The following TNRC18 variants were observed in gnomAD, a reference collection of about 807,000 sequenced individuals.
TNRC18 encodes trinucleotide repeat-containing gene 18 protein.
A neutral mutation model predicts 226.7 loss-of-function variants in TNRC18; 69 were observed. The ratio of observed to expected loss-of-function variants is 0.30; its 90% CI spans 0.25 to 0.37. The LOEUF (loss-of-function observed/expected upper bound fraction) is 0.37, where lower values mean the gene tolerates loss of function less well. TNRC18 is among the 10% of genes least tolerant of loss of function. The pLI, the probability that TNRC18 is intolerant of heterozygous loss-of-function variation, is 1.00. For missense variants in TNRC18, 4,754 were observed against 4,256.6 expected (o/e 1.12, Z -3.25); for synonymous variants, 2,449 against 1,927.6 (o/e 1.27, Z -7.09).
intron 16 of TNRC18, among the ~76,000 whole-genome samples, chr7:5,354,703 A>C (rs532670011): frequency 6.6e-6 from 1 of 152,224 alleles, no homozygotes; most frequent in East Asian, 1.9e-4. Flanking sequence ...CACAGGGAGC[A>C]TGAGTCCTGG....
chr7:5,417,108 T>C (rs540225727), intron 2 of TNRC18, among the ~76,000 whole-genome samples: 5 of 148,622 alleles, frequency 3.4e-5, no homozygotes, highest in Admixed American at 2.0e-4. Flanking sequence ...TGAGCTATAA[T>C]TGCACCACTG....
At chr7:5,371,448 A>G (rs1406521149) in intron 10 of TNRC18, 84 bp from the exon 11 acceptor site, 11 of 1,419,402 alleles carry the variant, frequency 7.7e-6, no homozygotes, top group Non-Finnish European at 1.0e-5. Context: ...CACCCCAGAC[A>G]GAGACCCAGG....
Position 5,363,521 on chromosome 7 carries a change from G to A in TNRC18, c.4220-696C>T, listed in dbSNP as rs563325097. ...CGGGAGGCTGAAGCAGGAGAATGGC[G>A]AGAACCTGGGAGGCGGAGCTTGCAG... On this transcript the variant is annotated intron_variant, in intron 11 of 29. Transcript: ENST00000430969. 9.0e-4 allele frequency among the ~76,000 whole-genome samples: 137 copies of A among 152,184 alleles called. 1 individual carries two copies. In the Middle Eastern group the frequency reaches 0.01, roughly 11 times the overall value.
chr7:5,350,933 C>T (rs985835537), intron 17 of TNRC18, among the ~76,000 whole-genome samples: 4 of 152,162 alleles, frequency 2.6e-5, no homozygotes, highest in Admixed American at 6.5e-5. Flanking sequence ...GCACTGCCTA[C>T]GCACCCTTCA....
Position 5,388,626 on chromosome 7 carries a change from G to T in TNRC18, c.1198C>A (p.Arg400Ser). The T allele has an allele frequency of 1.6e-6, 2 of 1,280,032 alleles. No individual in the cohort carries two copies. 79.3% of individuals were successfully genotyped at this position (1,280,032 alleles called of 1,614,324 possible). ...IASQARDARAREREAGRPGVL... is the reference protein window; with the variant it reads ...IASQARDARASEREAGRPGVL... ...CCTGGCCTGCCAGCCTCGCGCTCGC[G>T]GGCCCGGGCATCGCGCGCCTGGGAT... Residue 400 changes from arginine (R) to serine (S), a missense_variant, in exon 5 of 30, where the codon CGC (arginine) becomes AGC (serine). Physicochemically the swap from Arg to Ser is moderately radical, Grantham distance 110 (BLOSUM62 -1). Transcript: ENST00000430969.
chr7:5,381,166 G>A (rs1779373744), intron 5 of TNRC18, among the ~76,000 whole-genome samples: 1 of 152,088 alleles, frequency 6.6e-6, no homozygotes, highest in South Asian at 2.1e-4. Flanking sequence ...ACAGCCCCAG[G>A]TTGCTCCCTG....
Position 5,309,076 on chromosome 7 carries a change from T to C in TNRC18, c.8625+56A>G. 10 of 1,526,002 alleles carry C rather than the reference T, an allele frequency of 6.6e-6. No individual in the cohort carries two copies. Among genetic ancestry groups the C allele is most frequent in the Non-Finnish European group, 8.0e-6 (9 of 1,123,788 alleles). The allele number at this position is 1,526,002 out of a possible 1,614,324, so 94.5% of individuals were successfully genotyped here. ...CTCCAGCACCCAGAACGCCTCGCCCTCAGGTCTGCCCTACACCGCCTAGGA... is the reference window on the plus strand; with the variant it reads ...CTCCAGCACCCAGAACGCCTCGCCCCCAGGTCTGCCCTACACCGCCTAGGA... On this transcript the variant is annotated intron_variant, in intron 28 of 29. Transcript: ENST00000430969. This position sits in a 1 kb window ranked among gnomAD's most constrained non-coding sequence, Gnocchi z 5.7.
chr7:5,337,843 C>T (rs1430040035), intron 18 of TNRC18, among the ~76,000 whole-genome samples: 1 of 151,838 alleles, frequency 6.6e-6, no homozygotes, highest in Non-Finnish European at 1.5e-5. Flanking sequence ...ATTAGCCAGG[C>T]GAGGTGGGAG....
intron 15 of TNRC18, among the ~76,000 whole-genome samples, chr7:5,358,438 G>T (rs964365987): frequency 3.2e-4 from 49 of 152,276 alleles, no homozygotes; most frequent in African/African-American, 1.2e-3. Context: ...AAGTAAAAAC[G>T]ATCTGGTGTT....
intron 24 of TNRC18, among the ~76,000 whole-genome samples, chr7:5,318,944 C>T (rs1021325712): frequency 2.6e-5 from 4 of 152,106 alleles, no homozygotes; most frequent in African/African-American, 4.8e-5. Flanking sequence ...CTGAAAGATC[C>T]ACTGCTTAAA....
intron 11 of TNRC18, among the ~76,000 whole-genome samples, chr7:5,363,599 A>G (rs1389340054): frequency 6.6e-6 from 1 of 152,018 alleles, no homozygotes; most frequent in Non-Finnish European, 1.5e-5. Context: ...GGGAGACTCC[A>G]TCTCAATCAA....
Position 5,308,131 on chromosome 7 carries a change from G to A in TNRC18, c.8882C>T (p.Thr2961Met), listed in dbSNP as rs534786242. Residue 2961 changes from threonine to methionine, a missense_variant, in exon 30 of 30, where the codon ACG (threonine) becomes ATG (methionine). Thr to Met is a moderately conservative substitution (Grantham distance 81). Coordinates refer to ENST00000430969, the MANE Select transcript of TNRC18 (RefSeq NM_001080495.3). ...YEPTTGMIFS[T>M]DGVPVLC is the part of the protein sequence containing the mutation. ...TCAGCAGAGCACGGGCACGCCGTCC[G>A]TGGAGAAGATCATGCCCGTGGTGGG... The A allele has an allele frequency of 3.7e-5, 57 of 1,558,308 alleles. No individual in the cohort carries two copies. The South Asian group carries it at 4.5e-4, about 12-fold the overall frequency.
Position 5,325,265 on chromosome 7 carries a change from C to G in TNRC18, c.6148-17G>C. 6.5e-7 allele frequency: 1 copy of G among 1,546,464 alleles called. No homozygotes were observed. The highest frequency in any genetic ancestry group is 8.7e-7 in the Non-Finnish European group (1 of 1,152,464). On this transcript the variant is annotated splice_polypyrimidine_tract_variant and intron_variant, in intron 19 of 29. Coordinates refer to ENST00000430969, the MANE Select transcript of TNRC18 (RefSeq NM_001080495.3). ...TTTCTTCTTCTGGAGGAGGAAGCAG[C>G]AGAGAGGAGCCATCAAACGGCAGGG...
chr7:5,357,418 A>AT (rs893929047), intron 15 of TNRC18, 142 bp from the exon 16 acceptor site: 13,983 of 811,502 alleles, frequency 0.017, 1 homozygote, highest in South Asian at 0.024. Context: ...ATATATATTT[A>AT]TTTTTTTTTT....
At chr7:5,350,097 C>T (rs987900834) in intron 17 of TNRC18, among the ~76,000 whole-genome samples, 7 of 145,620 alleles carry the variant, frequency 4.8e-5, no homozygotes, top group Non-Finnish European at 7.5e-5. Context: ...TTTAAGGGGG[C>T]GTGGGGTCCA....
intron 4 of TNRC18, 98 bp downstream of exon 4, chr7:5,390,387 T>C (rs1029876742): frequency 9.0e-6 from 8 of 888,746 alleles, no homozygotes; most frequent in African/African-American, 1.8e-5. Context: ...AAAGCCAGCA[T>C]CCTGGACAGA....
intron 17 of TNRC18, among the ~76,000 whole-genome samples, chr7:5,349,563 T>C (rs1206425760): frequency 1.3e-5 from 2 of 151,494 alleles, no homozygotes; most frequent in African/African-American, 2.4e-5. Flanking sequence ...AGGAGGGAGG[T>C]GCACGGAGGA....
chr7:5,319,537 C>T (rs1179033423), intron 24 of TNRC18, among the ~76,000 whole-genome samples: 1 of 152,124 alleles, frequency 6.6e-6, no homozygotes, highest in Non-Finnish European at 1.5e-5. Context: ...GAGACGTAGT[C>T]TCACTCTGTC....
At chr7:5,393,305 G>A (rs1317698328) in intron 3 of TNRC18, among the ~76,000 whole-genome samples, 1 of 152,234 alleles carries the variant, frequency 6.6e-6, no homozygotes, top group Non-Finnish European at 1.5e-5. Context: ...GGGCACCCTC[G>A]TGCCTGGATT....
Sources: allele counts gnomAD v4.1 joint callset (sites outside exome capture counted in the v4.1 genomes callset), GRCh38; gene constraint gnomAD v4.1.1; non-coding constraint Gnocchi (gnomAD v3.1); transcripts MANE v1.5; gene names NCBI Gene and HGNC (gene_info 2026-07-23, HGNC 2026-07-21).